CYLC2: variants seen among roughly 807,000 people sequenced by gnomAD.
The protein encoded by CYLC2 is cylicin 2, also known as cylicin-2.
CYLC2 carries 30 observed loss-of-function variants against 26.1 expected under a neutral mutation model. The ratio of observed to expected loss-of-function variants is 1.15; its 90% CI spans 0.86 to 1.56. The LOEUF (loss-of-function observed/expected upper bound fraction) is 1.56. CYLC2 is among the 40% of genes most tolerant of loss of function. The pLI is 0.00. For synonymous variants in CYLC2, 158 were observed against 132.8 expected (o/e 1.19, Z -1.31); for missense variants, 498 against 394.4 (o/e 1.26, Z -2.23).
chr9:103,015,400 C>A (rs1350271830), intron 6 of CYLC2, among the ~76,000 whole-genome samples: 4 of 110,308 alleles, frequency 3.6e-5, no homozygotes, highest in African/African-American at 6.9e-5. Context: ...TATATATATG[C>A]TTATTATATA....
chr9:103,017,527 C>A (rs886144001), intron 7 of CYLC2, among the ~76,000 whole-genome samples: 2 of 152,016 alleles, frequency 1.3e-5, no homozygotes, highest in Non-Finnish European at 2.9e-5. Flanking sequence ...AAGTTTCATT[C>A]ATCTCTTCAG....
intron 1 of CYLC2, among the ~76,000 whole-genome samples, chr9:102,999,711 T>C (rs1431670076): frequency 6.6e-6 from 1 of 151,802 alleles, no homozygotes; most frequent in Non-Finnish European, 1.5e-5. Context: ...TTATTCTGCA[T>C]ATACTGAAAT....
chr9:102,998,602 G>T (rs1015213641), intron 1 of CYLC2, among the ~76,000 whole-genome samples: 2 of 151,894 alleles, frequency 1.3e-5, no homozygotes, highest in Non-Finnish European at 2.9e-5. Flanking sequence ...GTCAGTAGGG[G>T]CAAGGGTATT....
At chr9:102,999,809 T>C (rs1006113143) in intron 1 of CYLC2, among the ~76,000 whole-genome samples, 1 of 151,914 alleles carries the variant, frequency 6.6e-6, no homozygotes, top group African/African-American at 2.4e-5. Flanking sequence ...TTCTGGAAAG[T>C]AAACCAGATG....
Position 103,005,701 on chromosome 9 carries a change from G to T in CYLC2, c.*23G>T, listed in dbSNP as rs370950999. On this transcript the variant is annotated 3_prime_UTR_variant, in exon 5 of 8. Coordinates refer to ENST00000374798, the MANE Select transcript of CYLC2 (RefSeq NM_001340.5). ...TAGGCCTTGGATAAGAATTTGAACCGAAAGAATAATTCAAAAGCATATTTG... is the reference window on the plus strand; with the variant it reads ...TAGGCCTTGGATAAGAATTTGAACCTAAAGAATAATTCAAAAGCATATTTG... 1.9e-6 allele frequency: 3 copies of T among 1,580,944 alleles called. No homozygotes were observed. Among genetic ancestry groups the T allele is most frequent in the African/African-American group, 2.7e-5 (2 of 73,176 alleles).
At chr9:102,998,646 T>G (rs1048855753) in intron 1 of CYLC2, among the ~76,000 whole-genome samples, 2 of 151,936 alleles carry the variant, frequency 1.3e-5, no homozygotes, top group African/African-American at 4.8e-5. Context: ...TATAAATGAT[T>G]CTTACTAAAA....
intron 6 of CYLC2, among the ~76,000 whole-genome samples, chr9:103,013,752 A>G (rs183471546): frequency 1.8e-5 from 2 of 109,662 alleles, no homozygotes; most frequent in African/African-American, 3.8e-5. Flanking sequence ...ATATTATATT[A>G]TATATAATTA....
rs767225043 is a variant in CYLC2, at chr9:103,003,257, G to A, written c.174G>A (p.Thr58=). 8.7e-6 allele frequency: 14 copies of A among 1,611,702 alleles called. No homozygotes were observed. Among genetic ancestry groups the A allele is most frequent in the South Asian group, 3.3e-5 (3 of 90,640 alleles). The change falls in exon 3 of 8, where the codon ACG becomes ACA. Residue 58 remains threonine (T), a synonymous_variant. Coordinates refer to ENST00000374798, the MANE Select transcript of CYLC2 (RefSeq NM_001340.5). ...RSKPSQIRDN[T]VSIIDEEQLR... Reference sequence around the variant, plus strand: ...AACCTTCTCAAATACGGGACAACACGGTTTCTGTAAGCATTGGAAAGATTT... The same window carrying A: ...AACCTTCTCAAATACGGGACAACACAGTTTCTGTAAGCATTGGAAAGATTT...
At chr9:103,001,501 C>G in intron 1 of CYLC2, 77 bp from the exon 2 acceptor site, 1 of 814,756 alleles carries the variant, frequency 1.2e-6, no homozygotes, top group South Asian at 1.6e-5. Flanking sequence ...GTTGCAGGTA[C>G]TGGAGTAAAA....
chr9:103,010,113 A>C (rs777109391), intron 5 of CYLC2, among the ~76,000 whole-genome samples: 2 of 151,906 alleles, frequency 1.3e-5, no homozygotes, highest in African/African-American at 4.8e-5. Flanking sequence ...ATTCAAACTT[A>C]TTTTCATGAG....
intron 3 of CYLC2, 100 bp from the exon 4 acceptor site, chr9:103,004,595 A>C (rs1829319732): frequency 1.1e-6 from 1 of 883,424 alleles, no homozygotes; most frequent in East Asian, 3.2e-5. Context: ...CAAAAGCTAA[A>C]ATCTTTTTAT....
intron 1 of CYLC2, among the ~76,000 whole-genome samples, chr9:103,000,044 G>A (rs1451822028): frequency 1.3e-5 from 2 of 151,642 alleles, no homozygotes; most frequent in Non-Finnish European, 3.0e-5. Flanking sequence ...ATGGAGAGAT[G>A]TAAAACATTG....
In CYLC2 at chr9:103,005,551, A is replaced by G. The variant is rs1206955003; in HGVS notation, c.920A>G (p.Asp307Gly). 6.2e-7 allele frequency: 1 copy of G among 1,609,406 alleles called. No individual in the cohort carries two copies. Among genetic ancestry groups the G allele is most frequent in the Non-Finnish European group, 8.5e-7 (1 of 1,177,074 alleles). Reference sequence around the variant, plus strand: ...GATGCCAAGAAAGTTGCCAAGAAAGATACTGAGAAAGAATCTGCTGATTCA... The same window carrying G: ...GATGCCAAGAAAGTTGCCAAGAAAGGTACTGAGAAAGAATCTGCTGATTCA... Reference protein sequence around the residue: ...TKDAKKVAKKDTEKESADSKK... With the variant: ...TKDAKKVAKKGTEKESADSKK... The change falls in exon 5 of 8, where the codon GAT becomes GGT. Residue 307 changes from aspartate (D) to glycine (G), a missense_variant. Asp to Gly is a moderately conservative substitution (Grantham distance 94, BLOSUM62 -1). Transcript: ENST00000374798.
At chr9:103,016,508 G>A (rs7856837) in intron 6 of CYLC2, among the ~76,000 whole-genome samples, 113,329 of 151,904 alleles carry the variant, frequency 0.75, 42,816 homozygotes, top group East Asian at 1. Context: ...TTATCCCATC[G>A]GTGTTCTATT....
chr9:103,002,875 A>C (rs1217935285), intron 2 of CYLC2, among the ~76,000 whole-genome samples: 1 of 152,180 alleles, frequency 6.6e-6, no homozygotes, highest in Admixed American at 6.5e-5. Flanking sequence ...GAAGCAGTAA[A>C]ACTGAGTCTT....
chr9:103,013,271 T>A (rs553645229), intron 6 of CYLC2, among the ~76,000 whole-genome samples: 1,291 of 101,402 alleles, frequency 0.013, 40 homozygotes, highest in African/African-American at 0.051. Flanking sequence ...GTTATATATA[T>A]TATATATAAC....
In CYLC2 at chr9:103,009,587, C is replaced by A. The variant is rs544870121; in HGVS notation, c.*701-2395C>A. Among the ~76,000 whole-genome samples, 5 of 152,184 alleles carry A rather than the reference C, an allele frequency of 3.3e-5. No homozygotes were observed. In the East Asian group the frequency reaches 7.7e-4, roughly 23 times the overall value. On this transcript the variant is annotated intron_variant, in intron 5 of 7. Transcript: ENST00000374798. The stretch of plus-strand genomic sequence containing the variant: ...GTGTTAAAAACAATATAAATATACT[C>A]TTATAGTGATTTTTAAATGTACAGT...
At chr9:103,015,523 A>T (rs1048668251) in intron 6 of CYLC2, among the ~76,000 whole-genome samples, 3 of 141,430 alleles carry the variant, frequency 2.1e-5, no homozygotes, top group African/African-American at 7.7e-5. Flanking sequence ...ATACATGTTT[A>T]TATATAAATA....
chr9:102,998,856 A>G (rs1486586360), intron 1 of CYLC2, among the ~76,000 whole-genome samples: 2 of 151,932 alleles, frequency 1.3e-5, no homozygotes, highest in Non-Finnish European at 2.9e-5. Context: ...ATAAAATTAT[A>G]TTGTGTATGT....
Sources: allele counts gnomAD v4.1 joint callset (sites outside exome capture counted in the v4.1 genomes callset), GRCh38; gene constraint gnomAD v4.1.1; transcripts MANE v1.5; gene names NCBI Gene and HGNC (gene_info 2026-07-23, HGNC 2026-07-21).